The following CELSR1 variants were observed in gnomAD, a reference collection of about 807,000 sequenced individuals.
CELSR1 encodes the protein cadherin EGF LAG seven-pass G-type receptor 1.
Under a neutral mutation model 249.1 loss-of-function variants are expected in CELSR1, and 110 were observed. The ratio of observed to expected loss-of-function variants is 0.44; its 90% confidence interval spans 0.38 to 0.52. CELSR1 has a LOEUF of 0.52. Among genes scored for constraint, CELSR1 ranks in the 20% least tolerant of loss-of-function variants. The pLI is 0.00. For synonymous variants in CELSR1, 2,113 were observed against 1,900.0 expected (o/e 1.11, Z -2.92); for missense variants, 4,109 against 4,296.4 (o/e 0.96, Z 1.22).
intron 1 of CELSR1, among the ~76,000 whole-genome samples, chr22:46,509,565 T>A (rs1284209376): frequency 1.3e-5 from 2 of 152,166 alleles, no homozygotes; most frequent in African/African-American, 4.8e-5. Flanking sequence ...CCCCATTACG[T>A]GGTAGGTAAA....
Position 46,398,525 on chromosome 22 carries a change from T to G in CELSR1, c.5525A>C (p.Gln1842Pro). Residue 1842 changes from glutamine to proline, a missense_variant and splice_region_variant, in exon 11 of 35, where the codon CAG becomes CCG. Physicochemically the swap from Gln to Pro is moderately conservative, Grantham distance 76. Coordinates refer to ENST00000674500, the MANE Select transcript of CELSR1 (RefSeq NM_001378328.1). The surrounding 1 kb of genome is among the most constrained non-coding windows in gnomAD (Gnocchi z 7.2). ...SVRRGFRGCM[Q>P]GVRMGGTPTN... is the part of the protein sequence containing the mutation. ...CCGCCCCCCACAACCCCCACGCACC[T>G]GCATGCAGCCTCGGAATCCACGGCG... is the stretch of plus-strand genomic sequence containing the variant. 2 of 1,211,802 alleles carry G rather than the reference T, an allele frequency of 1.7e-6. No individual in the cohort carries two copies. Among genetic ancestry groups the G allele is most frequent in the Non-Finnish European group, 2.4e-6 (2 of 849,476 alleles). The allele number at this position is 1,211,802 out of a possible 1,614,324, so 75.1% of individuals were successfully genotyped here. A position where few individuals can be genotyped will look rare whatever the true frequency, so the allele number is the denominator to read the frequency against.
In CELSR1 at chr22:46,410,394, G is replaced by A. The variant is rs1402175632; in HGVS notation, c.4933+4C>T. On this transcript the variant is annotated splice_donor_region_variant and intron_variant, in intron 7 of 34. Coordinates refer to ENST00000674500, the MANE Select transcript of CELSR1 (RefSeq NM_001378328.1). This position sits in a 1 kb window ranked among gnomAD's most constrained non-coding sequence, Gnocchi z 6.8. ...AGCTCCGACGCCCTGACGGCCACCC[G>A]TACCTTCCCGGGTGCCATTGTTGGC... 8.7e-6 allele frequency: 14 copies of A among 1,612,372 alleles called. No individual in the cohort carries two copies. The highest frequency in any genetic ancestry group is 4.5e-5 in the East Asian group (2 of 44,824).
rs2079581115 is a variant in CELSR1 at position 46,430,384 on chromosome 22, G to C, written c.4611+3009C>G. On this transcript the variant is annotated intron_variant, in intron 5 of 34. Transcript: ENST00000674500. This position sits in a 1 kb window ranked among gnomAD's most constrained non-coding sequence, Gnocchi z 4.6. ...TGGGGCAAGGACACAGCTGGGCGGG[G>C]CAGGGGGGATGACCGTCTGCATCAG... Among the ~76,000 whole-genome samples the C allele has an allele frequency of 6.6e-6, 1 of 152,174 alleles. No individual in the cohort carries two copies. Among genetic ancestry groups the C allele is most frequent in the African/African-American group, 2.4e-5 (1 of 41,438 alleles).
chr22:46,379,943 C>T (rs1163921146), intron 22 of CELSR1, among the ~76,000 whole-genome samples: 5 of 152,216 alleles, frequency 3.3e-5, no homozygotes, highest in Non-Finnish European at 1.5e-5. Flanking sequence ...GTTCCAGTGC[C>T]TTCTTCTAAA....
intron 5 of CELSR1, among the ~76,000 whole-genome samples, chr22:46,418,393 G>A (rs1232629654): frequency 6.6e-6 from 1 of 152,198 alleles, no homozygotes; most frequent in Non-Finnish European, 1.5e-5. Context: ...GGCTGAGGTG[G>A]AAAATCGCTT....
In CELSR1 at chr22:46,399,012, T is replaced by C. The variant is rs767978807; in HGVS notation, c.5413-375A>G. 1.8e-4 allele frequency among the ~76,000 whole-genome samples: 28 copies of C among 152,282 alleles called. No homozygotes were observed. Among genetic ancestry groups the C allele is most frequent in the Admixed American group, 3.9e-4 (6 of 15,292 alleles). On this transcript the variant is annotated intron_variant, in intron 10 of 34. Coordinates refer to ENST00000674500, the MANE Select transcript of CELSR1 (RefSeq NM_001378328.1). The surrounding 1 kb of genome is among the most constrained non-coding windows in gnomAD (Gnocchi z 5.0). ...GAAATCCGCTCACTCATTAACACTG[T>C]GGGAACCCAAGAGGGTCTCGGCTGA... is the stretch of plus-strand genomic sequence containing the variant.
chr22:46,368,984 C>T (rs574671512), intron 27 of CELSR1, 195 bp downstream of exon 27: 152 of 586,084 alleles, frequency 2.6e-4, no homozygotes, highest in African/African-American at 2.5e-3. Flanking sequence ...GCCCCCTCCC[C>T]TCAGCTAACC....
chr22:46,365,321 A>C lies in CELSR1; in HGVS notation c.8464T>G (p.Ser2822Ala), dbSNP rs755424854. The part of the protein sequence containing the change: ...SLDEQSSSYA[S>A]SHSSDSEDDG... Reference sequence around the variant, plus strand: ...TCCTCGCTGTCTGACGAGTGTGAGGAGGCGTAAGAGCTGCTCTGCTCATCC... The same window carrying C: ...TCCTCGCTGTCTGACGAGTGTGAGGCGGCGTAAGAGCTGCTCTGCTCATCC... The change falls in exon 32 of 35, where the codon TCC (serine) becomes GCC (alanine). Residue 2822 changes from serine to alanine, a missense_variant. Transcript: ENST00000674500. 10 of 1,612,780 alleles carry C rather than the reference A, an allele frequency of 6.2e-6. No homozygotes were observed.
At chr22:46,422,580 T>C (rs576731303) in intron 5 of CELSR1, among the ~76,000 whole-genome samples, 1 of 148,292 alleles carries the variant, frequency 6.7e-6, no homozygotes, top group Admixed American at 6.7e-5. Context: ...TAAAAAAAAA[T>C]AATAATAATA....
intron 23 of CELSR1, among the ~76,000 whole-genome samples, chr22:46,377,938 C>G (rs1237734856): frequency 6.6e-6 from 1 of 152,178 alleles, no homozygotes; most frequent in Non-Finnish European, 1.5e-5. Flanking sequence ...CCGGGGGAGG[C>G]TACCCAGGCC....
chr22:46,399,853 A>G lies in CELSR1; in HGVS notation c.5276T>C (p.Val1759Ala). 1 of 1,614,138 alleles carries G rather than the reference A, an allele frequency of 6.2e-7. No homozygotes were observed. Among genetic ancestry groups the G allele is most frequent in the Non-Finnish European group, 8.5e-7 (1 of 1,179,992 alleles). ...CAACCCGGACAGCATCACGGACTCC[A>G]CATCGGAGGGGCCGTGGGACACCTC... The part of the protein sequence containing the change: ...QFEVSHGPSD[V>A]ESVMLSGLRV... Residue 1759 changes from valine to alanine, a missense_variant, in exon 10 of 35, where the codon GTG (valine) becomes GCG (alanine). Physicochemically the swap from Val to Ala is moderately conservative, Grantham distance 64 (BLOSUM62 0). This residue lies in a region of CELSR1 where 1,805 missense variants were observed against 1,831.6 expected (regional missense o/e 0.99). Transcript: ENST00000674500. This position sits in a 1 kb window ranked among gnomAD's most constrained non-coding sequence, Gnocchi z 5.0.
At position 46,372,927 on chromosome 22, in the gene CELSR1, C is replaced by T. The variant is rs777253987; in HGVS notation, c.7715G>A (p.Arg2572Gln). The part of the protein sequence containing the change: ...EVRNIDTGPM[R>Q]FYYVVGWGIP... ...GCCCCAGCCCACGACGTAGTAGAAC[C>T]GCATGGGCCCCGTGTCGATGTTGCG... is the stretch of plus-strand genomic sequence containing the variant. Residue 2572 changes from arginine to glutamine, a missense_variant, in exon 25 of 35, where the codon CGG becomes CAG. By Grantham distance (43) the Arg-to-Gln change is conservative. Transcript: ENST00000674500. The T allele has an allele frequency of 1.4e-5, 22 of 1,612,758 alleles. No individual in the cohort carries two copies. Among genetic ancestry groups the T allele is most frequent in the African/African-American group, 2.7e-5 (2 of 74,932 alleles).
chr22:46,520,219 A>G (rs1427615672), intron 1 of CELSR1, among the ~76,000 whole-genome samples: 2 of 152,144 alleles, frequency 1.3e-5, no homozygotes, highest in Non-Finnish European at 2.9e-5. Context: ...AGAGCACAGG[A>G]AAAGGCACAG....
In CELSR1 at chr22:46,398,501, C is replaced by T. The variant is rs370441132; in HGVS notation, c.5526+23G>A. The T allele has an allele frequency of 2.2e-5, 34 of 1,540,152 alleles. No homozygotes were observed. Among genetic ancestry groups the T allele is most frequent in the Middle Eastern group, 1.7e-4 (1 of 5,846 alleles). On this transcript the variant is annotated intron_variant, in intron 11 of 34. Coordinates refer to ENST00000674500, the MANE Select transcript of CELSR1 (RefSeq NM_001378328.1). This position sits in a 1 kb window ranked among gnomAD's most constrained non-coding sequence, Gnocchi z 7.2. ...TGCCTGTGAGGGGCAGGCCTCCCCC[C>T]GCCCCCCACAACCCCCACGCACCTG...
At chr22:46,476,591 G>A (rs1242816907) in intron 1 of CELSR1, among the ~76,000 whole-genome samples, 17 of 89,312 alleles carry the variant, frequency 1.9e-4, no homozygotes, top group East Asian at 4.0e-4. Flanking sequence ...GTAAGACTCC[G>A]TCTCAAAAAA....
At chr22:46,474,404 C>T (rs1307415193) in intron 1 of CELSR1, among the ~76,000 whole-genome samples, 4 of 152,142 alleles carry the variant, frequency 2.6e-5, no homozygotes, top group African/African-American at 9.7e-5. Context: ...CACATCCTCC[C>T]GTTGGTCCCA....
At chr22:46,450,942 A>G (rs1602153634) in intron 2 of CELSR1, among the ~76,000 whole-genome samples, 2 of 152,186 alleles carry the variant, frequency 1.3e-5, no homozygotes, top group East Asian at 3.9e-4. Flanking sequence ...GCTGTGAGCT[A>G]CGCACCTGCG....
At chr22:46,513,846 C>T (rs1229366078) in intron 1 of CELSR1, among the ~76,000 whole-genome samples, 4 of 152,222 alleles carry the variant, frequency 2.6e-5, no homozygotes, top group Non-Finnish European at 5.9e-5. Context: ...GGCTGGAGTG[C>T]AGTGGCACAA....
chr22:46,390,363 C>A lies in CELSR1; in HGVS notation c.6345+29G>T, dbSNP rs1335415314. 1 of 1,566,140 alleles carries A rather than the reference C, an allele frequency of 6.4e-7. No individual in the cohort carries two copies. The highest frequency in any genetic ancestry group is 8.8e-7 in the Non-Finnish European group (1 of 1,142,250). The stretch of plus-strand genomic sequence containing the variant: ...ATACACGAACACACACGTGCCCCTG[C>A]TGAACACACATCCCCGAGGCGCCCC... On this transcript the variant is annotated intron_variant, in intron 17 of 34. Coordinates refer to ENST00000674500, the MANE Select transcript of CELSR1 (RefSeq NM_001378328.1). This position sits in a 1 kb window ranked among gnomAD's most constrained non-coding sequence, Gnocchi z 6.3.
Sources: allele counts gnomAD v4.1 joint callset (sites outside exome capture counted in the v4.1 genomes callset), GRCh38; gene constraint gnomAD v4.1.1; regional missense constraint gnomAD v4.1.1; non-coding constraint Gnocchi (gnomAD v3.1); transcripts MANE v1.5; gene names NCBI Gene and HGNC (gene_info 2026-07-23, HGNC 2026-07-21).